SLC30A3: variants seen among roughly 807,000 people sequenced by gnomAD.
SLC30A3 encodes probable proton-coupled zinc antiporter SLC30A3.
SLC30A3 carries 20 observed loss-of-function variants against 35.6 expected under a neutral mutation model. The ratio of observed to expected loss-of-function variants is 0.56; its 90% CI spans 0.39 to 0.82. The LOEUF is 0.82. Ranked by LOEUF, SLC30A3 falls within the 40% of genes least tolerant of loss-of-function variation. The pLI is 0.00. For missense variants in SLC30A3, 401 were observed against 530.6 expected (o/e 0.76, Z 2.40); for synonymous variants, 217 against 224.7 (o/e 0.97, Z 0.31).
In SLC30A3 at chr2:27,255,726, C is replaced by G. The variant is rs13428472; in HGVS notation, c.1019-266G>C. The G allele has an allele frequency of 0.055, 24,833 of 453,450 alleles. 3,774 individuals carry two copies. The highest frequency in any genetic ancestry group is 0.38 in the African/African-American group (18,940 of 49,304). The allele number at this position is 453,450 out of a possible 1,614,324, so 28.1% of individuals were successfully genotyped here. A position where few individuals can be genotyped will look rare whatever the true frequency, so the allele number is the denominator to read the frequency against. Reference sequence around the variant, plus strand: ...AGTGTCAACATACAGCTCAACATTTCAGCAGCCATACCACCCGATTTCCCA... The same window carrying G: ...AGTGTCAACATACAGCTCAACATTTGAGCAGCCATACCACCCGATTTCCCA... On this transcript the variant is annotated intron_variant, in intron 7 of 7. Transcript: ENST00000233535. The surrounding 1 kb of genome is among the most constrained non-coding windows in gnomAD (Gnocchi z 5.2).
At chr2:27,259,089 C>T (rs942684545) in intron 1 of SLC30A3, 155 bp from the exon 2 acceptor site, 1 of 601,770 alleles carries the variant, frequency 1.7e-6, no homozygotes, top group Admixed American at 3.3e-5. Flanking sequence ...ACATGAGAGA[C>T]CGGGGCTAAA....
In SLC30A3 at chr2:27,255,269, GCTGAGCCTCGGC is replaced by G; in HGVS notation, c.*31_*42del. The G allele has an allele frequency of 7.4e-6, 12 of 1,611,402 alleles. No homozygotes were observed. The highest frequency in any genetic ancestry group is 9.3e-6 in the Non-Finnish European group (11 of 1,178,542). ...GGGCAGCAGATGCTGAGAGTCTGGG[GCTGAGCCTCGGC>G]CTGGCAGTGGGGTGAGGGCAGGGCC... is the stretch of plus-strand genomic sequence containing the variant. On this transcript the variant is annotated 3_prime_UTR_variant, in exon 8 of 8. Transcript: ENST00000233535. The surrounding 1 kb of genome is among the most constrained non-coding windows in gnomAD (Gnocchi z 5.2).
At position 27,255,224 on chromosome 2, in the gene SLC30A3, C is replaced by G. The variant is rs771544780; in HGVS notation, c.*88G>C. On this transcript the variant is annotated 3_prime_UTR_variant, in exon 8 of 8. Coordinates refer to ENST00000233535, the MANE Select transcript of SLC30A3 (RefSeq NM_003459.5). This position sits in a 1 kb window ranked among gnomAD's most constrained non-coding sequence, Gnocchi z 5.2. ...GAGAGGAAGGGGTATGGACCTGGCT[C>G]GGTCCCGTCTCTGTGATCAGGGCAG... The G allele has an allele frequency of 1.4e-5, 22 of 1,606,590 alleles. No individual in the cohort carries two copies. Among genetic ancestry groups the G allele is most frequent in the Non-Finnish European group, 1.9e-5 (22 of 1,177,482 alleles).
chr2:27,269,365 G>A (rs13001458), intron 1 of SLC30A3, among the ~76,000 whole-genome samples: 1 of 151,614 alleles, frequency 6.6e-6, no homozygotes. Flanking sequence ...GCCACCACAC[G>A]CAGCTAATTT....
upstream of SLC30A3, chr2:27,263,978 GA>G (rs1471848119): frequency 1.2e-5 from 15 of 1,221,672 alleles, no homozygotes; most frequent in Non-Finnish European, 1.6e-5. Flanking sequence ...TCATTTGGGG[GA>G]AACTAAAACC....
rs758566803 is a variant in SLC30A3 at position 27,262,788 on chromosome 2, A to G, written c.95+24T>C. ...GTAGTAGGGTGGCGCCCCCGGGCCGAGGGCCAGCCCAGGTCTGTCCTACCT... is the reference window on the plus strand; with the variant it reads ...GTAGTAGGGTGGCGCCCCCGGGCCGGGGGCCAGCCCAGGTCTGTCCTACCT... On this transcript the variant is annotated intron_variant, in intron 1 of 7. Coordinates refer to ENST00000233535, the MANE Select transcript of SLC30A3 (RefSeq NM_003459.5). This position sits in a 1 kb window ranked among gnomAD's most constrained non-coding sequence, Gnocchi z 7.5. 4.6e-6 allele frequency: 7 copies of G among 1,523,774 alleles called. No homozygotes were observed. Among genetic ancestry groups the G allele is most frequent in the Admixed American group, 2.3e-5 (1 of 42,822 alleles). 94.4% of individuals were successfully genotyped at this position (1,523,774 alleles called of 1,614,324 possible).
intron 1 of SLC30A3, among the ~76,000 whole-genome samples, chr2:27,260,952 G>A (rs987028120): frequency 2.0e-5 from 3 of 152,200 alleles, no homozygotes; most frequent in African/African-American, 4.8e-5. Flanking sequence ...TGGTGGGAAA[G>A]ACAGATTGTA....
In SLC30A3 at chr2:27,273,049, A is replaced by T. The variant is rs936911241; in HGVS notation, c.-159+2128T>A. On this transcript the variant is annotated intron_variant, in intron 1 of 5. Transcript: ENST00000424577. ...TAAGACCTTGTCTCAAAAAAAAAAA[A>T]AAATATATATATATATATGGATAGA... Among the ~76,000 whole-genome samples, 338 of 135,236 alleles carry T rather than the reference A, an allele frequency of 2.5e-3. 2 individuals carry two copies. The highest frequency in any genetic ancestry group is 8.6e-3 in the African/African-American group (296 of 34,438). 88.7% of individuals were successfully genotyped at this position (135,236 alleles called of 152,430 possible). A position where few individuals can be genotyped will look rare whatever the true frequency, so the allele number is the denominator to read the frequency against.
chr2:27,256,788 CT>C lies in SLC30A3; in HGVS notation c.882del (p.Gly295ValfsTer170). On this transcript the variant is annotated frameshift_variant and splice_region_variant, in exon 6 of 8. Transcript: ENST00000233535. LOFTEE classifies it high-confidence loss of function. Reference sequence around the variant, plus strand: ...TGGGGAGCTGTGGTGCCCGACTCACCTTCCATGAGGATTCGAAGAACGTCTC... The same window carrying C: ...TGGGGAGCTGTGGTGCCCGACTCACCTCCATGAGGATTCGAAGAACGTCTC... The part of the protein sequence containing the change: ...TLRDVLRILM[E>X]GTPRNVGFEP... 6.3e-7 allele frequency: 1 copy of C among 1,596,404 alleles called. No individual in the cohort carries two copies. Among genetic ancestry groups the C allele is most frequent in the Non-Finnish European group, 8.5e-7 (1 of 1,171,582 alleles).
chr2:27,273,515 A>G (rs1677826154), intron 1 of SLC30A3, among the ~76,000 whole-genome samples: 1 of 149,514 alleles, frequency 6.7e-6, no homozygotes, highest in Non-Finnish European at 1.5e-5. Context: ...CATGATAGTC[A>G]TGAAAGCTTG....
At position 27,258,616 on chromosome 2, in the gene SLC30A3, T is replaced by A; in HGVS notation, c.277+137A>T. ...TCCCTTATCCCTCCTACTTCCTGAGTCCTGGGCACCCAGCTCCCCTATCCC... is the reference window on the plus strand; with the variant it reads ...TCCCTTATCCCTCCTACTTCCTGAGACCTGGGCACCCAGCTCCCCTATCCC... On this transcript the variant is annotated intron_variant, in intron 2 of 7. Transcript: ENST00000233535. This position sits in a 1 kb window ranked among gnomAD's most constrained non-coding sequence, Gnocchi z 4.0. 1 of 964,316 alleles carries A rather than the reference T, an allele frequency of 1.0e-6. No individual in the cohort carries two copies. The highest frequency in any genetic ancestry group is 1.6e-5 in the African/African-American group (1 of 61,196). The allele number at this position is 964,316 out of a possible 1,614,324, so 59.7% of individuals were successfully genotyped here. A position where few individuals can be genotyped will look rare whatever the true frequency, so the allele number is the denominator to read the frequency against.
At position 27,255,593 on chromosome 2, in the gene SLC30A3, T is replaced by C; in HGVS notation, c.1019-133A>G. ...ATGGAAGCCTGCTTTTCTTTCTGTATTGTATGAACAGCATAAAAGTGTCAA... is the reference window on the plus strand; with the variant it reads ...ATGGAAGCCTGCTTTTCTTTCTGTACTGTATGAACAGCATAAAAGTGTCAA... On this transcript the variant is annotated intron_variant, in intron 7 of 7. Coordinates refer to ENST00000233535, the MANE Select transcript of SLC30A3 (RefSeq NM_003459.5). The surrounding 1 kb of genome is among the most constrained non-coding windows in gnomAD (Gnocchi z 5.2). The C allele has an allele frequency of 4.2e-6, 4 of 943,374 alleles. No individual in the cohort carries two copies. Among genetic ancestry groups the C allele is most frequent in the South Asian group, 1.6e-5 (1 of 61,012 alleles). The allele number at this position is 943,374 out of a possible 1,614,324, so 58.4% of individuals were successfully genotyped here.
chr2:27,275,173 A>G (rs760713693), intron 1 of SLC30A3: 1 of 1,303,854 alleles, frequency 7.7e-7, no homozygotes. Flanking sequence ...TGCAGCAGCC[A>G]TACCTCTCAT....
upstream of SLC30A3, chr2:27,264,055 A>T: frequency 7.8e-7 from 1 of 1,288,472 alleles, no homozygotes; most frequent in South Asian, 1.2e-5. The surrounding 1 kb of genome is among the most constrained non-coding windows in gnomAD (Gnocchi z 6.1). Context: ...CAAATGCTCA[A>T]TGTTCTCTCC....
Position 27,257,868 on chromosome 2 carries a change from G to T in SLC30A3, c.578+37C>A. The T allele has an allele frequency of 6.3e-7, 1 of 1,590,282 alleles. No individual in the cohort carries two copies. Among genetic ancestry groups the T allele is most frequent in the East Asian group, 2.3e-5 (1 of 43,856 alleles). ...ATCCTGGAGGAAGACCCCTCGCCCT[G>T]GGCCCCACAAGGTGCCTGCTCCATA... On this transcript the variant is annotated intron_variant, in intron 4 of 7. Coordinates refer to ENST00000233535, the MANE Select transcript of SLC30A3 (RefSeq NM_003459.5). The surrounding 1 kb of genome is among the most constrained non-coding windows in gnomAD (Gnocchi z 4.7).
chr2:27,255,998 G>T lies in SLC30A3; in HGVS notation c.1018+388C>A. ...CATTATACCATAAACATTTTTCATAGTTGCTGTACAGTCTTCACAAGCATC... is the reference window on the plus strand; with the variant it reads ...CATTATACCATAAACATTTTTCATATTTGCTGTACAGTCTTCACAAGCATC... On this transcript the variant is annotated intron_variant, in intron 7 of 7. Coordinates refer to ENST00000233535, the MANE Select transcript of SLC30A3 (RefSeq NM_003459.5). This position sits in a 1 kb window ranked among gnomAD's most constrained non-coding sequence, Gnocchi z 5.2. The T allele has an allele frequency of 4.1e-6, 1 of 243,522 alleles. No homozygotes were observed. Among genetic ancestry groups the T allele is most frequent in the East Asian group, 9.3e-5 (1 of 10,700 alleles). The allele number at this position is 243,522 out of a possible 1,614,324, so 15.1% of individuals were successfully genotyped here. A position where few individuals can be genotyped will look rare whatever the true frequency, so the allele number is the denominator to read the frequency against.
chr2:27,264,329 G>A (rs938214563), upstream of SLC30A3, among the ~76,000 whole-genome samples: 2 of 152,204 alleles, frequency 1.3e-5, no homozygotes, highest in Admixed American at 1.3e-4. The surrounding 1 kb of genome is among the most constrained non-coding windows in gnomAD (Gnocchi z 6.1). Context: ...GAGCCCAAGA[G>A]TGCACTTGCA....
At chr2:27,265,370 G>T (rs556082860), upstream of SLC30A3, among the ~76,000 whole-genome samples, 7 of 152,346 alleles carry the variant, frequency 4.6e-5, no homozygotes, top group South Asian at 1.0e-3. The surrounding 1 kb of genome is among the most constrained non-coding windows in gnomAD (Gnocchi z 5.9). Flanking sequence ...AAAGCTTGGC[G>T]GCGAAACAGG....
At chr2:27,256,129 G>C (rs1676832769) in intron 7 of SLC30A3, 1 of 518,966 alleles carries the variant, frequency 1.9e-6, no homozygotes, top group Non-Finnish European at 3.5e-6. Flanking sequence ...AGGGTTGTTG[G>C]TTCCCTGTGC....
Sources: gnomAD v4.1 joint callset for allele counts (sites outside exome capture counted in the v4.1 genomes callset) on GRCh38, gnomAD v4.1.1 for gene constraint, Gnocchi (gnomAD v3.1) non-coding constraint, MANE v1.5 for transcripts, NCBI Gene and HGNC (gene_info 2026-07-23, HGNC 2026-07-21) for gene names.